TBC1D22A: variants seen among roughly 807,000 people sequenced by gnomAD.
The protein encoded by TBC1D22A is putative GTPase activator.
TBC1D22A carries 38 observed loss-of-function variants against 60.2 expected under a neutral mutation model. That is an observed-to-expected ratio of 0.63 (90% CI 0.49 to 0.83). TBC1D22A has a LOEUF of 0.83. Ranked by LOEUF, TBC1D22A falls within the 40% of genes least tolerant of loss-of-function variation. The probability of loss-of-function intolerance (pLI) is 0.00; values close to 1 mark genes in which losing one functional copy is unlikely to be tolerated. For missense variants in TBC1D22A, 628 were observed against 701.0 expected (o/e 0.90, Z 1.18); for synonymous variants, 302 against 281.7 (o/e 1.07, Z -0.72).
chr22:46,895,304 A>G (rs1034108898), intron 7 of TBC1D22A, among the ~76,000 whole-genome samples: 6 of 151,986 alleles, frequency 3.9e-5, no homozygotes, highest in Non-Finnish European at 8.8e-5. Flanking sequence ...GACACAATGT[A>G]TTCATTTAAT....
chr22:46,904,136 TA>T (rs1368376422), intron 7 of TBC1D22A, among the ~76,000 whole-genome samples: 9 of 120,316 alleles, frequency 7.5e-5, no homozygotes, highest in African/African-American at 2.0e-4. Context: ...TCTATCTATC[TA>T]TCTATCTACC....
At chr22:46,769,093 C>CAAA (rs61105868) in intron 1 of TBC1D22A, among the ~76,000 whole-genome samples, 46 of 72,250 alleles carry the variant, frequency 6.4e-4, no homozygotes, top group African/African-American at 7.5e-4. Context: ...GACTCTGTCT[C>CAAA]AAAAAAAAAA....
At chr22:47,067,825 C>T (rs1425797819) in intron 11 of TBC1D22A, among the ~76,000 whole-genome samples, 2 of 152,270 alleles carry the variant, frequency 1.3e-5, no homozygotes, top group Non-Finnish European at 2.9e-5. Flanking sequence ...TCAGCACTTT[C>T]CCAGCTGAAT....
At chr22:47,095,067 A>G (rs2065119793) in intron 11 of TBC1D22A, among the ~76,000 whole-genome samples, 1 of 152,254 alleles carries the variant, frequency 6.6e-6, no homozygotes, top group African/African-American at 2.4e-5. Context: ...TACAGCTCTT[A>G]CTACAGCCCA....
At chr22:47,077,470 G>A (rs1199577270) in intron 11 of TBC1D22A, among the ~76,000 whole-genome samples, 2 of 152,204 alleles carry the variant, frequency 1.3e-5, no homozygotes, top group Non-Finnish European at 2.9e-5. Flanking sequence ...CTGGTAGCAA[G>A]CCCTCCCGCC....
rs567345659 is a variant in TBC1D22A, at chr22:47,122,366, C to T, written c.1425+10763C>T. On this transcript the variant is annotated intron_variant, in intron 12 of 12. Transcript: ENST00000337137. ...ACATTTCATTCATGGGCCTGGGCTT[C>T]TTTCCAGGGTCCTCAGTGTCCCATC... is the stretch of plus-strand genomic sequence containing the variant. 2.3e-4 allele frequency among the ~76,000 whole-genome samples: 35 copies of T among 152,332 alleles called. 1 individual carries two copies. In the South Asian group the frequency reaches 7.0e-3, roughly 31 times the overall value.
intron 12 of TBC1D22A, among the ~76,000 whole-genome samples, chr22:47,129,571 G>T (rs1030593887): frequency 1.3e-5 from 2 of 152,178 alleles, no homozygotes; most frequent in African/African-American, 2.4e-5. Flanking sequence ...GATCCTGAGG[G>T]TTATGGCATA....
intron 8 of TBC1D22A, among the ~76,000 whole-genome samples, chr22:46,944,784 A>G (rs2072425945): frequency 6.6e-6 from 1 of 152,254 alleles, no homozygotes; most frequent in Non-Finnish European, 1.5e-5. Context: ...CACATTTTAT[A>G]CAATGAAGAT....
intron 5 of TBC1D22A, among the ~76,000 whole-genome samples, chr22:46,889,232 C>A (rs1381793554): frequency 6.6e-6 from 1 of 152,052 alleles, no homozygotes; most frequent in East Asian, 1.9e-4. Context: ...AAAGCTGGGC[C>A]AAAGATTTGA....
chr22:46,968,113 C>T (rs367557933), intron 8 of TBC1D22A, among the ~76,000 whole-genome samples: 9 of 152,340 alleles, frequency 5.9e-5, no homozygotes, highest in Non-Finnish European at 7.4e-5. Context: ...GAGGCACCCA[C>T]GCACTGCGTG....
At chr22:46,963,778 T>C (rs9616180) in intron 8 of TBC1D22A, among the ~76,000 whole-genome samples, 8,787 of 152,228 alleles carry the variant, frequency 0.058, 377 homozygotes, top group Non-Finnish European at 0.09. Flanking sequence ...AAGCTGTATA[T>C]TGGGGAGGAC....
chr22:46,898,400 T>C (rs2068796550), intron 7 of TBC1D22A, among the ~76,000 whole-genome samples: 2 of 152,348 alleles, frequency 1.3e-5, no homozygotes, highest in South Asian at 4.1e-4. Context: ...CAGGTCTATG[T>C]CTTTCTCCCG....
chr22:46,832,366 T>A (rs534865117), intron 4 of TBC1D22A, among the ~76,000 whole-genome samples: 3 of 152,346 alleles, frequency 2.0e-5, no homozygotes, highest in Admixed American at 2.0e-4. Context: ...ATATGTTGGC[T>A]GGGGCCGGGC....
chr22:47,121,209 A>G lies in TBC1D22A; in HGVS notation c.1425+9606A>G, dbSNP rs1026000880. On this transcript the variant is annotated intron_variant, in intron 12 of 12. Coordinates refer to ENST00000337137, the MANE Select transcript of TBC1D22A (RefSeq NM_014346.5). ...GAAGCAAATGCTCTCTCAAATAAGC[A>G]CCGCTTTTAGCGAGGGGCCTCCTGG... is the stretch of plus-strand genomic sequence containing the variant. 5.3e-5 allele frequency among the ~76,000 whole-genome samples: 8 copies of G among 152,344 alleles called. No individual in the cohort carries two copies. The East Asian group carries it at 1.3e-3, about 26-fold the overall frequency.
rs768924971 is a variant in TBC1D22A at position 46,878,697 on chromosome 22, C to T, written c.682C>T (p.Arg228Cys). 26 of 1,612,978 alleles carry T rather than the reference C, an allele frequency of 1.6e-5. No individual in the cohort carries two copies. The highest frequency in any genetic ancestry group is 2.2e-5 in the Non-Finnish European group (26 of 1,179,830). ...CTGGTCCGGAATCCCTAAGCCAGTGCGTCCAATGACGTGGAAGCTCCTCTC... is the reference window on the plus strand; with the variant it reads ...CTGGTCCGGAATCCCTAAGCCAGTGTGTCCAATGACGTGGAAGCTCCTCTC... ...LSWSGIPKPV[R>C]PMTWKLLSGY... The change falls in exon 5 of 13, where the codon CGT (arginine) becomes TGT (cysteine). Residue 228 changes from arginine to cysteine, a missense_variant. Transcript: ENST00000337137.
At chr22:46,860,466 C>T (rs2087803051) in intron 4 of TBC1D22A, among the ~76,000 whole-genome samples, 1 of 71,274 alleles carries the variant, frequency 1.4e-5, no homozygotes, top group Non-Finnish European at 2.5e-5. Flanking sequence ...CATAGAGGTC[C>T]GCGCAGTGCT....
chr22:46,854,524 T>C (rs548849509), intron 4 of TBC1D22A, among the ~76,000 whole-genome samples: 1 of 152,324 alleles, frequency 6.6e-6, no homozygotes, highest in South Asian at 2.1e-4. Flanking sequence ...TATCTAGTTA[T>C]TGCTGAAGCC....
chr22:47,102,418 C>G (rs2065456322), intron 11 of TBC1D22A, among the ~76,000 whole-genome samples: 1 of 152,230 alleles, frequency 6.6e-6, no homozygotes, highest in South Asian at 2.1e-4. Context: ...TGAGTGGGCT[C>G]TGGCCAAGGC....
intron 10 of TBC1D22A, among the ~76,000 whole-genome samples, chr22:46,998,226 A>G (rs2148236810): frequency 6.6e-6 from 1 of 152,240 alleles, no homozygotes; most frequent in South Asian, 2.1e-4. Flanking sequence ...CTTCATCTTT[A>G]AAATAATCCC....
Sources: gnomAD v4.1 joint callset for allele counts (sites outside exome capture counted in the v4.1 genomes callset) on GRCh38, gnomAD v4.1.1 for gene constraint, MANE v1.5 for transcripts, NCBI Gene and HGNC (gene_info 2026-07-23, HGNC 2026-07-21) for gene names.